The following VWA3B variants were observed in gnomAD, a reference collection of about 807,000 sequenced individuals.
VWA3B encodes the protein von Willebrand factor A domain-containing protein 3B.
A neutral mutation model predicts 158.3 loss-of-function variants in VWA3B; 138 were observed. The observed-to-expected ratio is 0.87, with a 90% CI of 0.76 to 1.00. The LOEUF (loss-of-function observed/expected upper bound fraction) is 1.00, where lower values mean the gene tolerates loss of function less well. Ranked by LOEUF, VWA3B falls within the 50% of genes least tolerant of loss-of-function variation. The pLI is 0.00. For synonymous variants in VWA3B, 596 were observed against 587.3 expected (o/e 1.01, Z -0.21); for missense variants, 1,555 against 1,565.1 (o/e 0.99, Z 0.11).
At chr2:98,280,150 T>C (rs1429653414) in intron 22 of VWA3B, among the ~76,000 whole-genome samples, 3 of 152,342 alleles carry the variant, frequency 2.0e-5, no homozygotes, top group Non-Finnish European at 2.9e-5. Flanking sequence ...GATTTCCAGA[T>C]ATAAATATGT....
At chr2:98,222,214 CTG>C (rs1034469062) in intron 14 of VWA3B, among the ~76,000 whole-genome samples, 4 of 152,186 alleles carry the variant, frequency 2.6e-5, no homozygotes. Flanking sequence ...TAAGAGAAAA[CTG>C]TCCCACAAAA....
rs1235726137 is a variant in VWA3B, at chr2:98,192,950, G to C, written c.1519G>C (p.Asp507His). The C allele has an allele frequency of 1.9e-6, 3 of 1,614,178 alleles. No individual in the cohort carries two copies. In the East Asian group the frequency reaches 6.7e-5, roughly 36 times the overall value. ...AAGCCTCTTTGGAAGATTGCATAAT[G>C]ATTGCATCTACATTCTCATTGACAC... is the stretch of plus-strand genomic sequence containing the variant. ...SQSLFGRLHN[D>H]CIYILIDTSH... is the part of the protein sequence containing the mutation. Residue 507 changes from aspartate (D) to histidine (H), a missense_variant, in exon 11 of 28, where the codon GAT becomes CAT. Transcript: ENST00000477737.
intron 19 of VWA3B, among the ~76,000 whole-genome samples, chr2:98,248,821 C>CTT (rs1043046651): frequency 4.1e-5 from 6 of 145,900 alleles, no homozygotes; most frequent in African/African-American, 1.0e-4. Flanking sequence ...CTTTCTCTTT[C>CTT]TTTTTCTTTC....
At chr2:98,096,494 C>T (rs1682720763) in intron 2 of VWA3B, among the ~76,000 whole-genome samples, 1 of 152,160 alleles carries the variant, frequency 6.6e-6, no homozygotes, top group South Asian at 2.1e-4. Flanking sequence ...GTCTCGAATT[C>T]CTGACCTCAG....
intron 2 of VWA3B, among the ~76,000 whole-genome samples, chr2:98,109,478 A>G (rs1013598938): frequency 1.3e-5 from 2 of 152,160 alleles, no homozygotes; most frequent in African/African-American, 4.8e-5. Flanking sequence ...GTATTATTTT[A>G]TCTTCTTACA....
intron 5 of VWA3B, among the ~76,000 whole-genome samples, chr2:98,124,403 T>G (rs1573829975): frequency 6.6e-6 from 1 of 152,060 alleles, no homozygotes; most frequent in African/African-American, 2.4e-5. Flanking sequence ...GGATGGCAGG[T>G]GGGGACAGAG....
intron 12 of VWA3B, among the ~76,000 whole-genome samples, chr2:98,194,872 G>C (rs1447664175): frequency 6.6e-6 from 1 of 151,958 alleles, no homozygotes; most frequent in Non-Finnish European, 1.5e-5. Flanking sequence ...CTTATCAATG[G>C]GCTTTGTTCA....
At chr2:98,205,661 G>A (rs1369079385) in intron 12 of VWA3B, among the ~76,000 whole-genome samples, 1 of 152,004 alleles carries the variant, frequency 6.6e-6, no homozygotes, top group Non-Finnish European at 1.5e-5. Context: ...TAAGCTTTTA[G>A]TACCATAAAT....
At chr2:98,103,466 A>C (rs976252128) in intron 2 of VWA3B, among the ~76,000 whole-genome samples, 1 of 152,192 alleles carries the variant, frequency 6.6e-6, no homozygotes. Flanking sequence ...TGAATGCCAC[A>C]AATCTCAATC....
intron 2 of VWA3B, among the ~76,000 whole-genome samples, chr2:98,102,629 C>T (rs1208224257): frequency 6.6e-6 from 1 of 152,214 alleles, no homozygotes; most frequent in Non-Finnish European, 1.5e-5. Flanking sequence ...CAATTTCTTA[C>T]ATTTTGTTAA....
At chr2:98,251,735 G>A (rs1010958049) in intron 20 of VWA3B, among the ~76,000 whole-genome samples, 2 of 152,104 alleles carry the variant, frequency 1.3e-5, no homozygotes, top group South Asian at 4.1e-4. Flanking sequence ...CAAATATAAG[G>A]CCTGATCCTG....
Position 98,116,452 on chromosome 2 carries a change from G to T in VWA3B, c.291+706G>T, listed in dbSNP as rs144270151. Among the ~76,000 whole-genome samples the T allele has an allele frequency of 4.7e-3, 721 of 152,072 alleles. 6 individuals are homozygous for T. The highest frequency in any genetic ancestry group is 0.017 in the African/African-American group (696 of 41,484). On this transcript the variant is annotated intron_variant, in intron 3 of 27. Coordinates refer to ENST00000477737, the MANE Select transcript of VWA3B (RefSeq NM_144992.5). ...TCTTTCAAGAATGCCAATGAGTCAT[G>T]GGTTTGGTCTCTTTACGTAATCCTA...
chr2:98,195,314 A>G (rs1681951983), intron 12 of VWA3B, among the ~76,000 whole-genome samples: 1 of 152,204 alleles, frequency 6.6e-6, no homozygotes, highest in African/African-American at 2.4e-5. Flanking sequence ...TATCAGAAAC[A>G]TCTTTAAAGT....
intron 12 of VWA3B, among the ~76,000 whole-genome samples, chr2:98,202,894 A>G (rs1421074151): frequency 1.3e-5 from 2 of 152,048 alleles, no homozygotes; most frequent in African/African-American, 2.4e-5. Context: ...CTGCAGTGGC[A>G]TGATCTCGGC....
intron 12 of VWA3B, among the ~76,000 whole-genome samples, chr2:98,208,451 C>G (rs900275410): frequency 6.6e-6 from 1 of 151,766 alleles, no homozygotes; most frequent in Admixed American, 6.6e-5. Flanking sequence ...TTTTGTCTTG[C>G]CTTCCTATGG....
At chr2:98,271,875 C>T (rs142068340) in intron 22 of VWA3B, among the ~76,000 whole-genome samples, 6 of 152,240 alleles carry the variant, frequency 3.9e-5, no homozygotes, top group South Asian at 2.1e-4. Context: ...TGAATGTGTC[C>T]CCCAGAGTTC....
intron 22 of VWA3B, among the ~76,000 whole-genome samples, chr2:98,278,687 T>G (rs62157912): frequency 0.039 from 5,909 of 152,092 alleles, 168 homozygotes; most frequent in Middle Eastern, 0.075. Flanking sequence ...GGCTGCTGCT[T>G]CTCTTTTCTC....
intron 2 of VWA3B, among the ~76,000 whole-genome samples, chr2:98,112,304 GT>G (rs1448487244): frequency 2.3e-4 from 34 of 146,928 alleles, no homozygotes; most frequent in South Asian, 8.6e-4. Context: ...GTGTGTGTGG[GT>G]GTGTGTGTGT....
chr2:98,321,817 A>G, the VWA3B span, among the ~76,000 whole-genome samples: 1 of 152,112 alleles, frequency 6.6e-6, no homozygotes, highest in African/African-American at 2.4e-5. Flanking sequence ...AAGACATGAG[A>G]TTTGGGAGGG....
Sources: gnomAD v4.1 joint callset for allele counts (sites outside exome capture counted in the v4.1 genomes callset) on GRCh38, gnomAD v4.1.1 for gene constraint, MANE v1.5 for transcripts, NCBI Gene and HGNC (gene_info 2026-07-23, HGNC 2026-07-21) for gene names.